The following LARGE1 variants were observed in gnomAD, a reference collection of about 807,000 sequenced individuals.
LARGE1 encodes the protein xylosyl- and glucuronyltransferase LARGE1.
Under a neutral mutation model 87.6 loss-of-function variants are expected in LARGE1, and 43 were observed. The observed-to-expected ratio is 0.49, with a 90% CI of 0.38 to 0.63. LARGE1 has a LOEUF of 0.63. Among genes scored for constraint, LARGE1 ranks in the 30% least tolerant of loss-of-function variants. The pLI is 0.00. For synonymous variants in LARGE1, 434 were observed against 394.6 expected (o/e 1.10, Z -1.18); for missense variants, 802 against 1,000.2 (o/e 0.80, Z 2.67).
chr22:33,634,717 T>C (rs997892034), intron 3 of LARGE1, among the ~76,000 whole-genome samples: 3 of 151,888 alleles, frequency 2.0e-5, no homozygotes, highest in Admixed American at 2.0e-4. Flanking sequence ...CCCCTGGAAA[T>C]CCAGAGAGCT....
chr22:33,677,340 A>G (rs2081614706), intron 2 of LARGE1, among the ~76,000 whole-genome samples: 1 of 152,072 alleles, frequency 6.6e-6, no homozygotes, highest in Non-Finnish European at 1.5e-5. Flanking sequence ...TGGCCCAAGG[A>G]AAAAGGACAG....
chr22:33,265,932 C>G lies in LARGE1; in HGVS notation c.1730+38297G>C, dbSNP rs117735828. Among the ~76,000 whole-genome samples, 341 of 152,250 alleles carry G rather than the reference C, an allele frequency of 2.2e-3. 11 individuals carry two copies. The East Asian group carries it at 0.045, about 20-fold the overall frequency. ...GAGTCAGACTTTCCTGAGACCCTCA[C>G]AAACGATTCATATACACATTCAAGT... On this transcript the variant is annotated intron_variant, in intron 11 of 11. Transcript: ENST00000608642.
intron 5 of LARGE1, chr22:33,572,127 T>A (rs776811607): frequency 1.3e-4 from 132 of 980,072 alleles, no homozygotes; most frequent in Non-Finnish European, 1.7e-4. Flanking sequence ...TATTTTTTGC[T>A]CAAAATAGAT....
intron 2 of LARGE1, among the ~76,000 whole-genome samples, chr22:33,712,332 T>C (rs988042262): frequency 6.6e-6 from 1 of 152,050 alleles, no homozygotes; most frequent in South Asian, 2.1e-4. Flanking sequence ...GTGGGAGAAA[T>C]GGCCCTGCAC....
At chr22:33,859,587 T>C (rs2063853759) in intron 1 of LARGE1, among the ~76,000 whole-genome samples, 1 of 152,190 alleles carries the variant, frequency 6.6e-6, no homozygotes, top group Non-Finnish European at 1.5e-5. Flanking sequence ...TGGAGGATCC[T>C]TGGAAGTAAA....
chr22:33,566,649 C>T (rs187534016), intron 5 of LARGE1, among the ~76,000 whole-genome samples: 15 of 152,262 alleles, frequency 9.9e-5, no homozygotes, highest in Non-Finnish European at 2.2e-4. Context: ...AGAGGGATGC[C>T]GCTGCTGGCT....
At chr22:33,664,170 C>CA (rs1469108406) in intron 2 of LARGE1, among the ~76,000 whole-genome samples, 1 of 152,222 alleles carries the variant, frequency 6.6e-6, no homozygotes, top group African/African-American at 2.4e-5. Context: ...AACGTGTATA[C>CA]ACCGTGGCCA....
At chr22:33,168,701 C>G (rs1442931309) in intron 11 of LARGE1, among the ~76,000 whole-genome samples, 2 of 152,096 alleles carry the variant, frequency 1.3e-5, no homozygotes, top group African/African-American at 4.8e-5. Flanking sequence ...CATAACATTC[C>G]AAGTTTTTTC....
chr22:33,680,624 A>G (rs1003074242), intron 2 of LARGE1, among the ~76,000 whole-genome samples: 5 of 152,168 alleles, frequency 3.3e-5, no homozygotes, highest in African/African-American at 9.7e-5. Flanking sequence ...CTGGTTTCCA[A>G]TGAACAGACT....
intron 3 of LARGE1, among the ~76,000 whole-genome samples, chr22:33,649,397 A>G (rs913507057): frequency 3.9e-5 from 6 of 152,228 alleles, no homozygotes; most frequent in Non-Finnish European, 1.5e-5. Flanking sequence ...TATTCCAGAA[A>G]ATGGAATAAA....
At chr22:33,457,026 C>G (rs974822022) in intron 6 of LARGE1, among the ~76,000 whole-genome samples, 1 of 152,208 alleles carries the variant, frequency 6.6e-6, no homozygotes, top group Non-Finnish European at 1.5e-5. Flanking sequence ...ACTTTTTCCC[C>G]TGCTAAGAGA....
chr22:33,754,101 C>T (rs1401387892), intron 2 of LARGE1, among the ~76,000 whole-genome samples: 2 of 151,974 alleles, frequency 1.3e-5, no homozygotes, highest in Non-Finnish European at 2.9e-5. Flanking sequence ...TCTTTGTAAC[C>T]ATCTCACAAG....
At chr22:33,413,463 TTTATTA>T (rs1021952146) in intron 7 of LARGE1, among the ~76,000 whole-genome samples, 1 of 151,382 alleles carries the variant, frequency 6.6e-6, no homozygotes, top group African/African-American at 2.4e-5. Flanking sequence ...TTTATTTTAT[TTTATTA>T]TTATTATTAT....
At chr22:33,430,959 C>A (rs532493479) in intron 7 of LARGE1, among the ~76,000 whole-genome samples, 1 of 152,230 alleles carries the variant, frequency 6.6e-6, no homozygotes, top group Non-Finnish European at 1.5e-5. Flanking sequence ...TTAGGTGGTA[C>A]TGTCCCCAGA....
intron 1 of LARGE1, among the ~76,000 whole-genome samples, chr22:33,853,823 T>C (rs2063679099): frequency 6.6e-6 from 1 of 152,204 alleles, no homozygotes; most frequent in South Asian, 2.1e-4. Context: ...AAATATTCAC[T>C]GAATGGATGG....
chr22:33,286,585 T>C (rs546815839), intron 12 of LARGE1, among the ~76,000 whole-genome samples: 6 of 152,298 alleles, frequency 3.9e-5, no homozygotes, highest in African/African-American at 1.2e-4. Context: ...CGTCTCGAGA[T>C]GCTAGAAGCC....
chr22:33,642,233 T>C (rs1291317512), intron 3 of LARGE1, among the ~76,000 whole-genome samples: 1 of 152,200 alleles, frequency 6.6e-6, no homozygotes, highest in African/African-American at 2.4e-5. Context: ...ATATTCAACA[T>C]TCTTAAAGAA....
At chr22:33,712,219 A>G (rs111484160) in intron 2 of LARGE1, among the ~76,000 whole-genome samples, 210 of 151,230 alleles carry the variant, frequency 1.4e-3, no homozygotes, top group Non-Finnish European at 1.9e-3. Context: ...GGGATGGGGG[A>G]AAAAAAAAGG....
At chr22:33,136,130 G>T in the LARGE1 span, among the ~76,000 whole-genome samples, 1 of 152,106 alleles carries the variant, frequency 6.6e-6, no homozygotes, top group Non-Finnish European at 1.5e-5. Flanking sequence ...GACAGAATGT[G>T]GTTTGCTCTC....
Sources: allele counts gnomAD v4.1 joint callset (sites outside exome capture counted in the v4.1 genomes callset), GRCh38; gene constraint gnomAD v4.1.1; transcripts MANE v1.5; gene names NCBI Gene and HGNC (gene_info 2026-07-23, HGNC 2026-07-21).